Variants in TAS1R1 observed in about 807,000 individuals in gnomAD.
TAS1R1 encodes taste 1 receptor member 1.
A neutral mutation model predicts 45.8 loss-of-function variants in TAS1R1; 31 were observed. The observed-to-expected ratio is 0.68, with a 90% confidence interval of 0.51 to 0.91. TAS1R1 has a LOEUF of 0.91. Ranked by LOEUF, TAS1R1 falls within the 40% of genes least tolerant of loss-of-function variation. The pLI, the probability that TAS1R1 is intolerant of heterozygous loss-of-function variation, is 0.00. For missense variants in TAS1R1, 1,051 were observed against 1,063.9 expected (o/e 0.99, Z 0.17); for synonymous variants, 437 against 448.4 (o/e 0.97, Z 0.32).
At position 6,575,095 on chromosome 1, in the gene TAS1R1, G is replaced by T; in HGVS notation, c.963G>T (p.Val321=). The T allele has an allele frequency of 6.3e-7, 1 of 1,587,674 alleles. No individual in the cohort carries two copies. The highest frequency in any genetic ancestry group is 1.2e-5 in the South Asian group (1 of 86,498). ...GVPGIQRIGM[V]LGVAIQKRAV... is the part of the protein sequence containing the mutation. ...CCGGGATCCAGCGCATTGGGATGGT[G>T]CTGGGCGTGGCCATCCAGAAGAGGG... Residue 321 remains valine (V), a synonymous_variant, in exon 3 of 6, where the codon GTG becomes GTT. Transcript: ENST00000333172.
chr1:6,558,650 G>A (rs190789847), intron 1 of TAS1R1, among the ~76,000 whole-genome samples: 1 of 151,970 alleles, frequency 6.6e-6, no homozygotes, highest in East Asian at 2.0e-4. Flanking sequence ...AACCGGGGTG[G>A]CAGAGGTTGC....
At chr1:6,567,554 C>T (rs1415337079) in intron 1 of TAS1R1, among the ~76,000 whole-genome samples, 3 of 104,572 alleles carry the variant, frequency 2.9e-5, no homozygotes, top group African/African-American at 9.9e-5. Flanking sequence ...AGTGAGACTC[C>T]GTCTCAAAGA....
chr1:6,575,046 T>C lies in TAS1R1; in HGVS notation c.914T>C (p.Leu305Pro). The C allele has an allele frequency of 6.3e-7, 1 of 1,586,128 alleles. No individual in the cohort carries two copies. Among genetic ancestry groups the C allele is most frequent in the Non-Finnish European group, 8.6e-7 (1 of 1,164,586 alleles). Residue 305 changes from leucine to proline, a missense_variant, in exon 3 of 6, where the codon CTC becomes CCC. By Grantham distance (98) the Leu-to-Pro change is moderately conservative (BLOSUM62 -3). Coordinates refer to ENST00000333172, the MANE Select transcript of TAS1R1 (RefSeq NM_138697.4). ...KVWVASEAWA[L>P]SRHITGVPGI... ...TGGGTCGCCTCAGAAGCCTGGGCCC[T>C]CTCCAGGCACATCACTGGGGTGCCC... is the stretch of plus-strand genomic sequence containing the variant.
In TAS1R1 at chr1:6,576,624, C is replaced by T; in HGVS notation, c.1470C>T (p.Asn490=). ...AAATCCAGTGGCACGGAAAGGACAA[C>T]CAGGTAATGGGGATGTGGCTACTCA... ...ETKIQWHGKD[N]QVPKSVCSSD... is the part of the protein sequence containing the mutation. Residue 490 remains asparagine (N), a synonymous_variant, in exon 4 of 6, where the codon AAC becomes AAT. Coordinates refer to ENST00000333172, the MANE Select transcript of TAS1R1 (RefSeq NM_138697.4). 2 of 1,613,174 alleles carry T rather than the reference C, an allele frequency of 1.2e-6. No homozygotes were observed. The highest frequency in any genetic ancestry group is 1.7e-6 in the Non-Finnish European group (2 of 1,179,460).
rs1362629452 is a variant in TAS1R1, at chr1:6,576,478, AAC to A, written c.1326_1327del (p.Asn442LysfsTer6). On this transcript the variant is annotated frameshift_variant, in exon 4 of 6. Coordinates refer to ENST00000333172, the MANE Select transcript of TAS1R1 (RefSeq NM_138697.4). LOFTEE classifies it high-confidence loss of function. ...CAAGGACACTGTGGCGTTTAATGAC[AAC>A]AGAGATCCCCTCAGTAGCTATAACA... ...LHKDTVAFND[N>X]RDPLSSYNII... is the part of the protein sequence containing the mutation. The A allele has an allele frequency of 5.0e-6, 8 of 1,614,234 alleles. No homozygotes were observed. The highest frequency in any genetic ancestry group is 6.8e-6 in the Non-Finnish European group (8 of 1,180,046).
At chr1:6,572,207 C>T (rs894149364) in intron 2 of TAS1R1, among the ~76,000 whole-genome samples, 19 of 151,934 alleles carry the variant, frequency 1.3e-4, no homozygotes, top group Admixed American at 2.6e-4. Context: ...TGAGCTGGGG[C>T]ACCTTCTAGG....
intron 3 of TAS1R1, 73 bp downstream of exon 3, chr1:6,575,465 CCGGTCACTCTAAATGCCAAGG>C: frequency 3.5e-6 from 5 of 1,445,304 alleles, no homozygotes; most frequent in Non-Finnish European, 4.6e-6. Flanking sequence ...TGGGCACTCT[CCGGTCACTCTAAATGCCAAGG>C]GGGATAAATG....
At chr1:6,559,254 T>G (rs1639739627) in intron 1 of TAS1R1, among the ~76,000 whole-genome samples, 1 of 151,860 alleles carries the variant, frequency 6.6e-6, no homozygotes, top group African/African-American at 2.4e-5. Flanking sequence ...GCTCTCGAAC[T>G]TCTGGCCTCA....
intron 4 of TAS1R1, 136 bp from the exon 5 acceptor site, chr1:6,576,814 G>A (rs926211766): frequency 2.3e-5 from 33 of 1,462,818 alleles, no homozygotes; most frequent in Admixed American, 1.3e-4. Flanking sequence ...GCCCTGGGGC[G>A]GAAGTTCACA....
intron 2 of TAS1R1, among the ~76,000 whole-genome samples, chr1:6,571,693 G>A (rs930052347): frequency 5.3e-5 from 8 of 152,196 alleles, no homozygotes; most frequent in Admixed American, 2.0e-4. Flanking sequence ...GGTGGTGTGT[G>A]CCTGTAATCC....
At chr1:6,558,317 T>C (rs10157300) in intron 1 of TAS1R1, among the ~76,000 whole-genome samples, 148,689 of 152,270 alleles carry the variant, frequency 0.98, 72,690 homozygotes, top group Non-Finnish European at 1. Context: ...GCTAAGATTA[T>C]AGGTGTGAGC....
chr1:6,579,045 T>G lies in TAS1R1; in HGVS notation c.1987T>G (p.Ser663Ala). The G allele has an allele frequency of 6.2e-7, 1 of 1,612,934 alleles. No homozygotes were observed. The highest frequency in any genetic ancestry group is 8.5e-7 in the Non-Finnish European group (1 of 1,179,040). Residue 663 changes from serine to alanine, a missense_variant, in exon 6 of 6, where the codon TCC (serine) becomes GCC (alanine). Transcript: ENST00000333172. ...SFQLIIIFKF[S>A]TKVPTFYHAW... ...CCAACTAATCATCATCTTCAAGTTT[T>G]CCACCAAGGTACCTACATTCTACCA...
At chr1:6,561,184 A>G (rs1005299257) in intron 1 of TAS1R1, among the ~76,000 whole-genome samples, 2 of 152,114 alleles carry the variant, frequency 1.3e-5, no homozygotes, top group Non-Finnish European at 1.5e-5. Flanking sequence ...GGCAGGGCCT[A>G]GGAGGGGCAT....
intron 1 of TAS1R1, among the ~76,000 whole-genome samples, chr1:6,563,878 G>T (rs1446000851): frequency 6.6e-6 from 1 of 152,128 alleles, no homozygotes; most frequent in African/African-American, 2.4e-5. Context: ...TGGGAATTTG[G>T]GGCTGAAACC....
chr1:6,568,178 G>A (rs537015114), intron 1 of TAS1R1, among the ~76,000 whole-genome samples: 42 of 152,008 alleles, frequency 2.8e-4, no homozygotes, highest in Middle Eastern at 3.4e-3. Context: ...AGCCGGGCGC[G>A]GTGGTTCACG....
chr1:6,576,876 TTC>T (rs1640193917), intron 4 of TAS1R1, 72 bp from the exon 5 acceptor site: 7 of 1,605,524 alleles, frequency 4.4e-6, no homozygotes, highest in East Asian at 4.5e-5. Context: ...TGCACAGAGA[TTC>T]TGTTTTCTGT....
intron 1 of TAS1R1, among the ~76,000 whole-genome samples, chr1:6,569,750 G>A (rs1053963631): frequency 2.6e-5 from 4 of 152,128 alleles, no homozygotes; most frequent in South Asian, 2.1e-4. Context: ...TGGAGGAACC[G>A]GAGGCCTGGA....
rs746322882 is a variant in TAS1R1 at position 6,579,514 on chromosome 1, C to T, written c.2456C>T (p.Pro819Leu). Residue 819 changes from proline to leucine, a missense_variant, in exon 6 of 6, where the codon CCA becomes CTA. Transcript: ENST00000333172. ...LPKCYVILCR[P>L]DLNSTEHFQA... ...AAGTGCTACGTGATCCTCTGCCGCC[C>T]AGACCTCAACAGCACAGAGCACTTC... 4.3e-6 allele frequency: 7 copies of T among 1,613,722 alleles called. No homozygotes were observed. The South Asian group carries it at 5.5e-5, about 13-fold the overall frequency.
chr1:6,575,009 A>C lies in TAS1R1; in HGVS notation c.877A>C (p.Thr293Pro), dbSNP rs1365137489. ...FFESVVLTNL[T>P]GKVWVASEAW... ...CGAGTCCGTGGTGCTGACCAACCTG[A>C]CTGGCAAGGTGTGGGTCGCCTCAGA... Residue 293 changes from threonine (T) to proline (P), a missense_variant, in exon 3 of 6, where the codon ACT becomes CCT. Transcript: ENST00000333172. 1.3e-6 allele frequency: 2 copies of C among 1,590,272 alleles called. No homozygotes were observed. The highest frequency in any genetic ancestry group is 1.7e-6 in the Non-Finnish European group (2 of 1,166,472).
Sources: gnomAD v4.1 joint callset for allele counts (sites outside exome capture counted in the v4.1 genomes callset) on GRCh38, gnomAD v4.1.1 for gene constraint, MANE v1.5 for transcripts, NCBI Gene and HGNC (gene_info 2026-07-23, HGNC 2026-07-21) for gene names.